GRM7: variants seen among roughly 807,000 people sequenced by gnomAD.
GRM7 encodes glutamate metabotropic receptor 7.
Under a neutral mutation model 84.5 loss-of-function variants are expected in GRM7, and 35 were observed. The ratio of observed to expected loss-of-function variants is 0.41; its 90% CI spans 0.32 to 0.55. The LOEUF is 0.55. Ranked by LOEUF, GRM7 falls within the 20% of genes least tolerant of loss-of-function variation. The pLI, the probability that GRM7 is intolerant of heterozygous loss-of-function variation, is 0.19. For synonymous variants in GRM7, 487 were observed against 455.1 expected, an observed-to-expected ratio of 1.07 and a Z score of -0.89; for missense variants, 1,003 against 1,194.6, an observed-to-expected ratio of 0.84 and a Z score of 2.36.
At chr3:7,094,717 A>C (rs1231903167) in intron 1 of GRM7, among the ~76,000 whole-genome samples, 1 of 152,186 alleles carries the variant, frequency 6.6e-6, no homozygotes, top group Non-Finnish European at 1.5e-5. Context: ...CTTGGGGAAA[A>C]GTAATTAAAT....
chr3:7,680,220 A>G lies in GRM7; in HGVS notation c.2623A>G (p.Arg875Gly), dbSNP rs528551087. The G allele has an allele frequency of 6.2e-7, 1 of 1,613,942 alleles. No individual in the cohort carries two copies. The highest frequency in any genetic ancestry group is 1.1e-5 in the South Asian group (1 of 91,080). The part of the protein sequence containing the change: ...AVVTAATMSS[R>G]LSHKPSDRPN... Reference sequence around the variant, plus strand: ...AGTCACAGCAGCCACCATGTCATCGAGGCTGTCACACAAACCCAGTGACAG... The same window carrying G: ...AGTCACAGCAGCCACCATGTCATCGGGGCTGTCACACAAACCCAGTGACAG... Residue 875 changes from arginine (R) to glycine (G), a missense_variant, in exon 9 of 10, where the codon AGG becomes GGG. By Grantham distance (125) the Arg-to-Gly change is moderately radical (BLOSUM62 -2). Transcript: ENST00000357716.
chr3:7,014,507 A>G (rs966733446), intron 1 of GRM7, among the ~76,000 whole-genome samples: 1 of 151,932 alleles, frequency 6.6e-6, no homozygotes, highest in Non-Finnish European at 1.5e-5. Context: ...ACGCCCAGCT[A>G]ATTTTTGTAT....
At chr3:7,573,625 T>G (rs1335653354) in intron 7 of GRM7, among the ~76,000 whole-genome samples, 1 of 152,214 alleles carries the variant, frequency 6.6e-6, no homozygotes, top group Non-Finnish European at 1.5e-5. Flanking sequence ...AGTAGCTTTG[T>G]CTCTCTACTA....
intron 5 of GRM7, among the ~76,000 whole-genome samples, chr3:7,441,319 C>T (rs995731243): frequency 6.6e-6 from 1 of 151,948 alleles, no homozygotes; most frequent in Non-Finnish European, 1.5e-5. Context: ...TGTCCTTTGC[C>T]CACTTTTTAA....
chr3:7,415,773 G>GGA (rs1233555163), intron 5 of GRM7, among the ~76,000 whole-genome samples: 1 of 152,102 alleles, frequency 6.6e-6, no homozygotes, highest in Non-Finnish European at 1.5e-5. Flanking sequence ...TAGGCACTGG[G>GGA]GATCTGGTGG....
At chr3:7,080,297 G>T (rs1260019413) in intron 1 of GRM7, among the ~76,000 whole-genome samples, 3 of 151,816 alleles carry the variant, frequency 2.0e-5, no homozygotes, top group Admixed American at 6.6e-5. Flanking sequence ...TATTTCCTAT[G>T]GACTCTATAT....
At chr3:7,680,004 C>A (rs1240035650) in intron 8 of GRM7, 45 bp from the exon 9 acceptor site, 3 of 1,595,326 alleles carry the variant, frequency 1.9e-6, no homozygotes, top group African/African-American at 1.3e-5. Flanking sequence ...ACCCCTACTG[C>A]AGTCATTTTA....
At chr3:7,027,097 C>T (rs17216321) in intron 1 of GRM7, among the ~76,000 whole-genome samples, 341 of 152,306 alleles carry the variant, frequency 2.2e-3, no homozygotes, top group African/African-American at 8.0e-3. Flanking sequence ...TGAAGTTATT[C>T]TTGACCCCTA....
rs771275844 is a variant in GRM7 at position 7,452,770 on chromosome 3, G to T, written c.1338G>T (p.Lys446Asn). 1 of 1,613,110 alleles carries T rather than the reference G, an allele frequency of 6.2e-7. No individual in the cohort carries two copies. The highest frequency in any genetic ancestry group is 1.1e-5 in the South Asian group (1 of 91,054). ...VCPEMEQAGGKKLLKYIRNVN... is the reference protein window; with the variant it reads ...VCPEMEQAGGNKLLKYIRNVN... ...CAGAGATGGAGCAAGCTGGAGGCAA[G>T]AAGTTGCTGAAGTATATACGCAATG... The change falls in exon 6 of 10, where the codon AAG becomes AAT. Residue 446 changes from lysine to asparagine, a missense_variant. Coordinates refer to ENST00000357716, the MANE Select transcript of GRM7 (RefSeq NM_000844.4).
intron 9 of GRM7, among the ~76,000 whole-genome samples, chr3:7,702,754 T>C (rs1003109262): frequency 6.6e-5 from 10 of 152,194 alleles, no homozygotes; most frequent in Admixed American, 2.6e-4. Context: ...TTTCATCTAA[T>C]TGCGAACAGT....
intron 4 of GRM7, among the ~76,000 whole-genome samples, chr3:7,403,533 G>A (rs901879216): frequency 2.0e-5 from 3 of 148,770 alleles, no homozygotes; most frequent in African/African-American, 7.4e-5. Context: ...TCAAAGAATG[G>A]CAACAAGATT....
At chr3:7,726,852 T>C (rs1702149650) in intron 9 of GRM7, among the ~76,000 whole-genome samples, 1 of 151,106 alleles carries the variant, frequency 6.6e-6, no homozygotes, top group Non-Finnish European at 1.5e-5. Flanking sequence ...TTTCCCAACA[T>C]GGCTGTTTCC....
chr3:7,146,348 C>A, intron 1 of GRM7, 104 bp from the exon 2 acceptor site: 1 of 886,084 alleles, frequency 1.1e-6, no homozygotes, highest in Non-Finnish European at 1.9e-6. Flanking sequence ...CATGTATCTC[C>A]TTTGCAGCTC....
intron 7 of GRM7, among the ~76,000 whole-genome samples, chr3:7,551,870 A>G (rs188767088): frequency 6.6e-6 from 1 of 152,160 alleles, no homozygotes; most frequent in African/African-American, 2.4e-5. Context: ...AAGAAGTTTA[A>G]TTGACTCACT....
intron 2 of GRM7, among the ~76,000 whole-genome samples, chr3:7,211,771 G>T (rs17046985): frequency 0.013 from 1,921 of 151,978 alleles, 37 homozygotes; most frequent in African/African-American, 0.042. Context: ...GTTCACATCG[G>T]ACTTAATGAC....
At chr3:7,116,878 T>C (rs1033100456) in intron 1 of GRM7, among the ~76,000 whole-genome samples, 15 of 152,164 alleles carry the variant, frequency 9.9e-5, no homozygotes, top group African/African-American at 3.1e-4. Flanking sequence ...CAAGTTTCAA[T>C]TGCTATAGAT....
chr3:7,297,960 A>T (rs1699868481), intron 2 of GRM7, among the ~76,000 whole-genome samples: 1 of 152,216 alleles, frequency 6.6e-6, no homozygotes, highest in South Asian at 2.1e-4. Context: ...GAAATTCATA[A>T]TGCCAATTAA....
intron 1 of GRM7, among the ~76,000 whole-genome samples, chr3:7,108,362 G>A (rs566752328): frequency 1.6e-4 from 24 of 152,210 alleles, no homozygotes; most frequent in Admixed American, 5.2e-4. Context: ...GCTTTGTGAA[G>A]AATTGGAATG....
chr3:7,182,354 A>G (rs1031069989), intron 2 of GRM7, among the ~76,000 whole-genome samples: 31 of 152,182 alleles, frequency 2.0e-4, no homozygotes, highest in African/African-American at 7.5e-4. Flanking sequence ...GCTATTTTGA[A>G]TAGTTTGCAA....
Sources: allele counts gnomAD v4.1 joint callset (sites outside exome capture counted in the v4.1 genomes callset), GRCh38; gene constraint gnomAD v4.1.1; transcripts MANE v1.5; gene names NCBI Gene and HGNC (gene_info 2026-07-23, HGNC 2026-07-21).